The following HBEGF variants were observed in gnomAD, a reference collection of about 807,000 sequenced individuals.
HBEGF encodes the protein heparin binding EGF like growth factor.
HBEGF carries 8 observed loss-of-function variants against 19.5 expected under a neutral mutation model. The ratio of observed to expected loss-of-function variants is 0.41; its 90% CI spans 0.24 to 0.74. The LOEUF is 0.74. HBEGF is among the 30% of genes least tolerant of loss of function. The pLI, the probability that HBEGF is intolerant of heterozygous loss-of-function variation, is 0.32. For synonymous variants in HBEGF, 97 were observed against 108.9 expected (o/e 0.89, Z 0.68); for missense variants, 207 against 256.9 (o/e 0.81, Z 1.33).
In HBEGF at chr5:140,346,082, G is replaced by C. The variant is rs755420389; in HGVS notation, c.49C>G (p.Leu17Val). 1.9e-6 allele frequency: 3 copies of C among 1,611,496 alleles called. No homozygotes were observed. The highest frequency in any genetic ancestry group is 2.2e-5 in the East Asian group (1 of 44,818). The change falls in exon 2 of 6, where the codon CTC becomes GTC. Residue 17 changes from leucine to valine, a missense_variant and splice_region_variant. Physicochemically the swap from Leu to Val is conservative, Grantham distance 32 (BLOSUM62 1). Transcript: ENST00000230990. This position sits in a 1 kb window ranked among gnomAD's most constrained non-coding sequence, Gnocchi z 6.1. ...CTCTCGCCAGTCACCAGTGCCGAGA[G>C]AACTGCGGGCGAGAGGCCAGGCCGC... is the stretch of plus-strand genomic sequence containing the variant. ...VVLKLFLAAV[L>V]SALVTGESLE...
intron 2 of HBEGF, among the ~76,000 whole-genome samples, chr5:140,343,423 G>A (rs760418949): frequency 1.8e-4 from 27 of 152,128 alleles, no homozygotes; most frequent in Non-Finnish European, 1.0e-4. Flanking sequence ...CCCTGGTCAC[G>A]GCCTTGCTTT....
In HBEGF at chr5:140,342,517, C is replaced by T. The variant is rs1441460222; in HGVS notation, c.398+118G>A. 2.9e-6 allele frequency: 3 copies of T among 1,027,374 alleles called. No homozygotes were observed. In the East Asian group the frequency reaches 7.1e-5, roughly 24 times the overall value. 63.6% of individuals were successfully genotyped at this position (1,027,374 alleles called of 1,614,324 possible). A position where few individuals can be genotyped will look rare whatever the true frequency, so the allele number is the denominator to read the frequency against. The stretch of plus-strand genomic sequence containing the variant: ...ATTTCCCCTCCTCCCAACTTCCGCC[C>T]AGAGGTTGAGAAGAAACTGGGTGAA... On this transcript the variant is annotated intron_variant, in intron 3 of 5. Transcript: ENST00000230990.
At chr5:140,337,406 G>A (rs1766245252) in intron 3 of HBEGF, among the ~76,000 whole-genome samples, 1 of 151,950 alleles carries the variant, frequency 6.6e-6, no homozygotes, top group South Asian at 2.1e-4. Flanking sequence ...CCAGCCAGGG[G>A]GCACAGTGGC....
At chr5:140,336,096 C>T in intron 3 of HBEGF, 69 bp from the exon 4 acceptor site, 1 of 1,520,304 alleles carries the variant, frequency 6.6e-7, no homozygotes, top group Non-Finnish European at 9.0e-7. Flanking sequence ...GGCCCACCTG[C>T]ATAAGCCAAA....
intron 3 of HBEGF, among the ~76,000 whole-genome samples, chr5:140,339,541 C>T (rs975739628): frequency 3.9e-5 from 6 of 151,978 alleles, no homozygotes; most frequent in Non-Finnish European, 7.4e-5. Flanking sequence ...TACAGGCGCC[C>T]GCCACAACAC....
In HBEGF at chr5:140,346,401, A is replaced by G; in HGVS notation, c.-73T>C. Reference sequence around the variant, plus strand: ...GGCGGCCACTGGGCGCTGGCACCAGAGCTGGGCGGCGGAGCTCAGGAGATT... The same window carrying G: ...GGCGGCCACTGGGCGCTGGCACCAGGGCTGGGCGGCGGAGCTCAGGAGATT... On this transcript the variant is annotated 5_prime_UTR_variant, in exon 1 of 6. Transcript: ENST00000230990. This position sits in a 1 kb window ranked among gnomAD's most constrained non-coding sequence, Gnocchi z 6.1. 6.6e-7 allele frequency: 1 copy of G among 1,524,896 alleles called. No homozygotes were observed. Among genetic ancestry groups the G allele is most frequent in the Non-Finnish European group, 8.9e-7 (1 of 1,123,532 alleles). The allele number at this position is 1,524,896 out of a possible 1,614,324, so 94.5% of individuals were successfully genotyped here. A position where few individuals can be genotyped will look rare whatever the true frequency, so the allele number is the denominator to read the frequency against.
chr5:140,334,556 C>G, intron 5 of HBEGF, 102 bp downstream of exon 5: 1 of 802,452 alleles, frequency 1.2e-6, no homozygotes, highest in East Asian at 2.4e-5. Flanking sequence ...TCACAGTAGC[C>G]TGGCCCCCAA....
intron 2 of HBEGF, among the ~76,000 whole-genome samples, chr5:140,344,218 C>G (rs1359288312): frequency 6.6e-6 from 1 of 152,060 alleles, no homozygotes; most frequent in African/African-American, 2.4e-5. Context: ...GGGATTAGAA[C>G]TGTGTTCTCT....
intron 3 of HBEGF, among the ~76,000 whole-genome samples, chr5:140,337,326 G>C (rs929104338): frequency 6.6e-6 from 1 of 152,196 alleles, no homozygotes; most frequent in Admixed American, 6.5e-5. Context: ...CAGAAATGAA[G>C]ATGTAGATGT....
At chr5:140,334,986 C>G in intron 4 of HBEGF, 1 of 573,966 alleles carries the variant, frequency 1.7e-6, no homozygotes. Context: ...TCACAACATC[C>G]TTATGAGGTA....
Position 140,346,404 on chromosome 5 carries a change from T to C in HBEGF, c.-76A>G, listed in dbSNP as rs903098717. ...GGCCACTGGGCGCTGGCACCAGAGCTGGGCGGCGGAGCTCAGGAGATTCCG... is the reference window on the plus strand; with the variant it reads ...GGCCACTGGGCGCTGGCACCAGAGCCGGGCGGCGGAGCTCAGGAGATTCCG... On this transcript the variant is annotated 5_prime_UTR_variant, in exon 1 of 6. Coordinates refer to ENST00000230990, the MANE Select transcript of HBEGF (RefSeq NM_001945.3). The surrounding 1 kb of genome is among the most constrained non-coding windows in gnomAD (Gnocchi z 6.1). 327 of 1,512,554 alleles carry C rather than the reference T, an allele frequency of 2.2e-4. No individual in the cohort carries two copies. The highest frequency in any genetic ancestry group is 2.8e-4 in the Non-Finnish European group (317 of 1,113,984). The allele number at this position is 1,512,554 out of a possible 1,614,324, so 93.7% of individuals were successfully genotyped here.
At chr5:140,343,168 C>T (rs770868032) in intron 2 of HBEGF, 7 of 219,896 alleles carry the variant, frequency 3.2e-5, no homozygotes, top group African/African-American at 6.8e-5. Flanking sequence ...TACTCCCCCA[C>T]ACCCACTTCA....
intron 2 of HBEGF, among the ~76,000 whole-genome samples, chr5:140,344,384 G>A (rs1766360931): frequency 6.6e-6 from 1 of 152,032 alleles, no homozygotes; most frequent in Admixed American, 6.6e-5. Context: ...TATTTACTGT[G>A]GGCAGTCACT....
Position 140,336,012 on chromosome 5 carries a change from G to A in HBEGF, c.414C>T (p.Tyr138=), listed in dbSNP as rs1330025325. 6.2e-7 allele frequency: 1 copy of A among 1,614,014 alleles called. No homozygotes were observed. The highest frequency in any genetic ancestry group is 8.5e-7 in the Non-Finnish European group (1 of 1,179,970). ...TCAGCCCATGACACCTCTCTCCATG[G>A]TAACCCGGGTGGCAGCTAGTTCAAG... The part of the protein sequence containing the change: ...RAPSCICHPG[Y]HGERCHGLSL... Residue 138 remains tyrosine (Y), a synonymous_variant, in exon 4 of 6, where the codon TAC becomes TAT. Transcript: ENST00000230990.
At chr5:140,345,832 C>T (rs996375371) in intron 2 of HBEGF, 79 bp downstream of exon 2, 2 of 1,567,730 alleles carry the variant, frequency 1.3e-6, no homozygotes, top group Admixed American at 1.7e-5. Flanking sequence ...CACAGTATTG[C>T]CCAAACAGCA....
Position 140,332,964 on chromosome 5 carries a change from A to G in HBEGF, c.*1335T>C, listed in dbSNP as rs1378113314. 1 of 152,628 alleles carries G rather than the reference A, an allele frequency of 6.6e-6. No individual in the cohort carries two copies. Among genetic ancestry groups the G allele is most frequent in the Non-Finnish European group, 1.5e-5 (1 of 68,036 alleles). 9.5% of individuals were successfully genotyped at this position (152,628 alleles called of 1,614,324 possible). ...CTTCCAGAAAGGACCATGACAGCAT[A>G]ACTTCATCGTTTTGGTGAGGTGGGT... On this transcript the variant is annotated 3_prime_UTR_variant, in exon 6 of 6. Transcript: ENST00000230990.
chr5:140,339,670 A>G (rs1332250427), intron 3 of HBEGF, among the ~76,000 whole-genome samples: 1 of 152,142 alleles, frequency 6.6e-6, no homozygotes, highest in African/African-American at 2.4e-5. Flanking sequence ...CTGTGATTAC[A>G]GGTGTGAGCC....
intron 3 of HBEGF, among the ~76,000 whole-genome samples, chr5:140,341,591 A>G (rs1417445829): frequency 6.6e-6 from 1 of 152,198 alleles, no homozygotes; most frequent in Admixed American, 6.5e-5. Context: ...GTGTGATCAG[A>G]CAAAACAAGG....
intron 3 of HBEGF, among the ~76,000 whole-genome samples, chr5:140,339,115 G>A (rs1272112333): frequency 6.6e-6 from 1 of 152,232 alleles, no homozygotes; most frequent in Non-Finnish European, 1.5e-5. Context: ...GTCCCACATT[G>A]TGTGAGTTAT....
Sources: allele counts gnomAD v4.1 joint callset (sites outside exome capture counted in the v4.1 genomes callset), GRCh38; gene constraint gnomAD v4.1.1; non-coding constraint Gnocchi (gnomAD v3.1); transcripts MANE v1.5; gene names NCBI Gene and HGNC (gene_info 2026-07-23, HGNC 2026-07-21).